Variants in FNBP4 observed in about 807,000 individuals in gnomAD.
FNBP4 encodes formin binding protein 4, also known as formin-binding protein 4.
Under a neutral mutation model 119.3 loss-of-function variants are expected in FNBP4, and 34 were observed. That is an observed-to-expected ratio of 0.28 (90% CI 0.22 to 0.38). The LOEUF (loss-of-function observed/expected upper bound fraction) is 0.38. FNBP4 is among the 10% of genes least tolerant of loss of function. FNBP4 has a pLI of 1.00. For missense variants in FNBP4, 1,112 were observed against 1,228.9 expected (o/e 0.90, Z 1.42); for synonymous variants, 462 against 430.6 (o/e 1.07, Z -0.90).
rs758375674 is a variant in FNBP4 at position 47,724,713 on chromosome 11, AT to A, written c.2073del (p.Phe692SerfsTer49). On this transcript the variant is annotated frameshift_variant, in exon 13 of 17. Transcript: ENST00000263773. LOFTEE classifies it high-confidence loss of function. The part of the protein sequence containing the change: ...VSSSSLMPLT[P>X]FWTLLQSNVP... Reference sequence around the variant, plus strand: ...ACATTTGACTGAAGGAGGGTCCAGAATGGAGTAAGTGGCATGAGTGATGAAG... The same window carrying A: ...ACATTTGACTGAAGGAGGGTCCAGAAGGAGTAAGTGGCATGAGTGATGAAG... 1 of 1,611,864 alleles carries A rather than the reference AT, an allele frequency of 6.2e-7. No homozygotes were observed. Among genetic ancestry groups the A allele is most frequent in the East Asian group, 2.2e-5 (1 of 44,830 alleles).
At chr11:47,755,125 C>T (rs1395845701) in intron 2 of FNBP4, among the ~76,000 whole-genome samples, 1 of 127,434 alleles carries the variant, frequency 7.8e-6, no homozygotes, top group African/African-American at 3.0e-5. Flanking sequence ...AAGAGTAAGA[C>T]TCTGTCTCCG....
Position 47,732,112 on chromosome 11 carries a change from C to T in FNBP4, c.1820+425G>A. ...CAAATATATAAAGAAATGTTTTCATCTGACCTGCTGGCAGAGGATAGTAAT... is the reference window on the plus strand; with the variant it reads ...CAAATATATAAAGAAATGTTTTCATTTGACCTGCTGGCAGAGGATAGTAAT... On this transcript the variant is annotated intron_variant, in intron 11 of 16. Transcript: ENST00000263773. This position sits in a 1 kb window ranked among gnomAD's most constrained non-coding sequence, Gnocchi z 4.2. 1.0e-6 allele frequency: 1 copy of T among 997,608 alleles called. No homozygotes were observed. The highest frequency in any genetic ancestry group is 1.2e-6 in the Non-Finnish European group (1 of 838,200). 61.8% of individuals were successfully genotyped at this position (997,608 alleles called of 1,614,324 possible).
intron 2 of FNBP4, among the ~76,000 whole-genome samples, chr11:47,757,908 C>T (rs1565163671): frequency 6.6e-6 from 1 of 152,202 alleles, no homozygotes; most frequent in Non-Finnish European, 1.5e-5. Context: ...CTCCTGGCCT[C>T]AAATGATTCT....
intron 7 of FNBP4, among the ~76,000 whole-genome samples, chr11:47,745,801 G>T (rs887846603): frequency 6.6e-6 from 1 of 152,036 alleles, no homozygotes; most frequent in East Asian, 1.9e-4. Flanking sequence ...TCAGCTGGCC[G>T]ACACTTATGG....
At chr11:47,752,753 G>T in intron 4 of FNBP4, 163 bp downstream of exon 4, 1 of 587,108 alleles carries the variant, frequency 1.7e-6, no homozygotes, top group Non-Finnish European at 2.9e-6. Context: ...GGTGGAGGTT[G>T]GAGCGAGCCA....
intron 12 of FNBP4, chr11:47,729,985 C>T (rs566967407): frequency 1.0e-6 from 1 of 985,414 alleles, no homozygotes; most frequent in South Asian, 4.7e-5. Context: ...AGGAATGGCT[C>T]AAGAGCCTCC....
Position 47,722,977 on chromosome 11 carries a change from T to C in FNBP4, c.2804A>G (p.Lys935Arg), listed in dbSNP as rs2097557470. Residue 935 changes from lysine to arginine, a missense_variant and splice_region_variant, in exon 15 of 17, where the codon AAG (lysine) becomes AGG (arginine). Lys to Arg is a conservative substitution (Grantham distance 26). This residue lies in a region of FNBP4 where 826 missense variants were observed against 988.8 expected (regional missense o/e 0.84). Coordinates refer to ENST00000263773, the MANE Select transcript of FNBP4 (RefSeq NM_015308.5). ...TTTAAAAAGGGAAATTTATTATACC[T>C]TGTCTTTCCTTCCTTTTTTTGTCTT... ...PEKTKKGRKD[K>R]AKKSKTKMPS... The C allele has an allele frequency of 6.6e-7, 1 of 1,525,748 alleles. No individual in the cohort carries two copies. The allele number at this position is 1,525,748 out of a possible 1,614,324, so 94.5% of individuals were successfully genotyped here. A position where few individuals can be genotyped will look rare whatever the true frequency, so the allele number is the denominator to read the frequency against.
At chr11:47,729,923 G>GTT (rs2097565530) in intron 12 of FNBP4, 1 of 985,368 alleles carries the variant, frequency 1.0e-6, no homozygotes, top group African/African-American at 1.7e-5. Context: ...AATATAACCT[G>GTT]TTTTATCAGT....
intron 1 of FNBP4, 71 bp from the exon 2 acceptor site, chr11:47,765,433 C>T (rs2097645372): frequency 2.0e-5 from 19 of 971,794 alleles, no homozygotes; most frequent in Non-Finnish European, 2.8e-5. Context: ...AGTCAGATTC[C>T]AGACCAGAGA....
chr11:47,734,988 C>A lies in FNBP4; in HGVS notation c.1582-859G>T, dbSNP rs866863347. 1.8e-3 allele frequency among the ~76,000 whole-genome samples: 211 copies of A among 120,014 alleles called. 1 individual carries two copies. The highest frequency in any genetic ancestry group is 2.4e-3 in the East Asian group (10 of 4,138). The allele number at this position is 120,014 out of a possible 152,430, so 78.7% of individuals were successfully genotyped here. ...CTCCATCACCCCAACACCCCCCCCC[C>A]CAAAAAAAAAGGAAATCTAAAGCAC... On this transcript the variant is annotated intron_variant, in intron 9 of 16. Transcript: ENST00000263773.
At chr11:47,721,665 T>C (rs1394351350) in intron 15 of FNBP4, among the ~76,000 whole-genome samples, 1 of 152,042 alleles carries the variant, frequency 6.6e-6, no homozygotes, top group Non-Finnish European at 1.5e-5. Context: ...ATATAATATT[T>C]TTTCTTTTCG....
chr11:47,763,293 G>A (rs2097639924), intron 2 of FNBP4, among the ~76,000 whole-genome samples: 3 of 151,666 alleles, frequency 2.0e-5, no homozygotes, highest in South Asian at 4.2e-4. Flanking sequence ...GCAAAACCCC[G>A]TCTCTACTAA....
At chr11:47,758,808 G>A (rs756039328) in intron 2 of FNBP4, among the ~76,000 whole-genome samples, 2 of 151,834 alleles carry the variant, frequency 1.3e-5, no homozygotes, top group Non-Finnish European at 2.9e-5. Flanking sequence ...GCAGTGAGCT[G>A]AGATCACGTC....
At chr11:47,753,132 T>A (rs945075877) in intron 3 of FNBP4, 30 bp from the exon 4 acceptor site, 6 of 1,540,178 alleles carry the variant, frequency 3.9e-6, no homozygotes, top group Non-Finnish European at 5.3e-6. Context: ...ACAAATGCAG[T>A]AATTATATCA....
In FNBP4 at chr11:47,765,466, A is replaced by G. The variant is rs939527734; in HGVS notation, c.221-104T>C. 5.2e-5 allele frequency: 41 copies of G among 790,462 alleles called. No individual in the cohort carries two copies. In the African/African-American group the frequency reaches 6.6e-4, roughly 13 times the overall value. The allele number at this position is 790,462 out of a possible 1,614,324, so 49.0% of individuals were successfully genotyped here. ...AGAAAACACTAGAGGTGACAAACCA[A>G]CCTTTGATTTAACATTTCAGCTCTA... On this transcript the variant is annotated intron_variant, in intron 1 of 16. Transcript: ENST00000263773.
At chr11:47,753,629 A>AAAACAAAC (rs1253253361) in intron 3 of FNBP4, among the ~76,000 whole-genome samples, 1 of 151,968 alleles carries the variant, frequency 6.6e-6, no homozygotes, top group Non-Finnish European at 1.5e-5. Flanking sequence ...CAAAAAACAA[A>AAAACAAAC]AAAAAAAGAA....
At position 47,731,396 on chromosome 11, in the gene FNBP4, T is replaced by G; in HGVS notation, c.1986A>C (p.Thr662=). 6.2e-7 allele frequency: 1 copy of G among 1,613,068 alleles called. No individual in the cohort carries two copies. Among genetic ancestry groups the G allele is most frequent in the Non-Finnish European group, 8.5e-7 (1 of 1,179,692 alleles). Residue 662 remains threonine, a synonymous_variant, in exon 12 of 17, where the codon ACA becomes ACC. Transcript: ENST00000263773. ...CACCTGTGGAAGTTTCAGAGGATTC[T>G]GTTGAATTTGAATCAGTGCCAGTTT... is the stretch of plus-strand genomic sequence containing the variant. The part of the protein sequence containing the change: ...KDKTGTDSNS[T]ESSETSTGSL...
chr11:47,766,478 AT>A (rs2097647968), intron 1 of FNBP4, among the ~76,000 whole-genome samples: 1 of 152,258 alleles, frequency 6.6e-6, no homozygotes, highest in Admixed American at 6.5e-5. Context: ...ATCTCTGAAC[AT>A]GTGAAACGGT....
chr11:47,743,304 G>C (rs776563627), intron 8 of FNBP4, among the ~76,000 whole-genome samples: 2 of 152,038 alleles, frequency 1.3e-5, no homozygotes, highest in Non-Finnish European at 2.9e-5. Context: ...CCAACATGGC[G>C]AAACTCCGTC....
Sources: allele counts gnomAD v4.1 joint callset (sites outside exome capture counted in the v4.1 genomes callset), GRCh38; gene constraint gnomAD v4.1.1; regional missense constraint gnomAD v4.1.1; non-coding constraint Gnocchi (gnomAD v3.1); transcripts MANE v1.5; gene names NCBI Gene and HGNC (gene_info 2026-07-23, HGNC 2026-07-21).